Variants in ATP8B3 observed in about 807,000 individuals in gnomAD.
ATP8B3 encodes the protein phospholipid-transporting ATPase IK.
In ATP8B3, 141 loss-of-function variants were observed where a neutral mutation model predicts 140.9. The ratio of observed to expected loss-of-function variants is 1.00; its 90% CI spans 0.87 to 1.15. ATP8B3 has a LOEUF of 1.15. Ranked by LOEUF, ATP8B3 falls within the 50% of genes most tolerant of loss-of-function variation. The pLI, the probability that ATP8B3 is intolerant of heterozygous loss-of-function variation, is 0.00. For synonymous variants in ATP8B3, 765 were observed against 714.6 expected, an observed-to-expected ratio of 1.07 and a Z score of -1.13; for missense variants, 1,874 against 1,740.6, an observed-to-expected ratio of 1.08 and a Z score of -1.36.
In ATP8B3 at chr19:1,806,216, C is replaced by T. The variant is rs764816111; in HGVS notation, c.678-47G>A. On this transcript the variant is annotated intron_variant, in intron 7 of 28. Transcript: ENST00000310127. The surrounding 1 kb of genome is among the most constrained non-coding windows in gnomAD (Gnocchi z 5.6). ...AAGGAGGCCCCTCCCTCTGCCAACCCTCCCCACACCGGGAGACCAGAGGCA... is the reference window on the plus strand; with the variant it reads ...AAGGAGGCCCCTCCCTCTGCCAACCTTCCCCACACCGGGAGACCAGAGGCA... 1.4e-5 allele frequency: 21 copies of T among 1,551,478 alleles called. No individual in the cohort carries two copies. The highest frequency in any genetic ancestry group is 3.9e-5 in the Admixed American group (2 of 51,322).
At position 1,783,199 on chromosome 19, in the gene ATP8B3, C is replaced by T. The variant is rs1273133797; in HGVS notation, c.3732G>A (p.Glu1244=). The part of the protein sequence containing the change: ...TMEPLPHVHR[E]SRARRSSYAF... ...CATAGCTGGAACGGCGGGCACGAGA[C>T]TCCCGGTGTACATGAGGCAAGGGCT... Residue 1244 remains glutamate, a synonymous_variant, in exon 29 of 29, where the codon GAG becomes GAA. Transcript: ENST00000310127. 1 of 1,612,890 alleles carries T rather than the reference C, an allele frequency of 6.2e-7. No homozygotes were observed. The highest frequency in any genetic ancestry group is 2.2e-5 in the East Asian group (1 of 44,848).
In ATP8B3 at chr19:1,800,656, C is replaced by T. The variant is rs576156659; in HGVS notation, c.1153-207G>A. On this transcript the variant is annotated intron_variant, in intron 12 of 28. Transcript: ENST00000310127. This position sits in a 1 kb window ranked among gnomAD's most constrained non-coding sequence, Gnocchi z 4.4. ...GCGACAAAGTGAGACCTCATCTCGACGAAAAACTTAAAAAATAAATTAGTC... is the reference window on the plus strand; with the variant it reads ...GCGACAAAGTGAGACCTCATCTCGATGAAAAACTTAAAAAATAAATTAGTC... Among the ~76,000 whole-genome samples the T allele has an allele frequency of 1.1e-4, 17 of 151,952 alleles. No homozygotes were observed. Among genetic ancestry groups the T allele is most frequent in the African/African-American group, 3.9e-4 (16 of 41,384 alleles).
chr19:1,785,588 C>T lies in ATP8B3; in HGVS notation c.3274G>A (p.Val1092Ile), dbSNP rs199711395. 1.2e-3 allele frequency: 1,958 copies of T among 1,613,222 alleles called. No individual in the cohort carries two copies. Among genetic ancestry groups the T allele is most frequent in the Non-Finnish European group, 1.4e-3 (1,676 of 1,179,892 alleles). The change falls in exon 26 of 29, where the codon GTC becomes ATC. Residue 1092 changes from valine to isoleucine, a missense_variant. By Grantham distance (29) the Val-to-Ile change is conservative (BLOSUM62 3). This residue lies in a region of ATP8B3 where 840 missense variants were observed against 760.9 expected (regional missense o/e 1.10). Transcript: ENST00000310127. ...AIAHGVTTSL[V>I]NFFMTLWISR... Reference sequence around the variant, plus strand: ...ATCCACAGTGTCATGAAGAAGTTGACCAGAGAGGTGGTCACACCATGGGCG... The same window carrying T: ...ATCCACAGTGTCATGAAGAAGTTGATCAGAGAGGTGGTCACACCATGGGCG...
chr19:1,795,993 GGGGAACA>G lies in ATP8B3; in HGVS notation c.1943-13_1943-7del. The G allele has an allele frequency of 6.2e-7, 1 of 1,613,108 alleles. No individual in the cohort carries two copies. ...GGCGCCCTCTGGCTTTCGAACTGTG[GGGGAACA>G]GGCCCTGCTGCCCACAGAGGCTCCC... On this transcript the variant is annotated splice_region_variant and splice_polypyrimidine_tract_variant and intron_variant, in intron 17 of 28. Coordinates refer to ENST00000310127, the MANE Select transcript of ATP8B3 (RefSeq NM_138813.4).
In ATP8B3 at chr19:1,805,603, G is replaced by A; in HGVS notation, c.822-147C>T. The A allele has an allele frequency of 2.4e-6, 2 of 822,394 alleles. No homozygotes were observed. The highest frequency in any genetic ancestry group is 3.2e-5 in the South Asian group (2 of 62,208). 50.9% of individuals were successfully genotyped at this position (822,394 alleles called of 1,614,324 possible). A position where few individuals can be genotyped will look rare whatever the true frequency, so the allele number is the denominator to read the frequency against. ...GTCAGATGGCTGAGGCCCAGAGAGG[G>A]AGAAGGCCTTGCCCAAGGCCACACA... On this transcript the variant is annotated intron_variant, in intron 9 of 28. Transcript: ENST00000310127. The surrounding 1 kb of genome is among the most constrained non-coding windows in gnomAD (Gnocchi z 5.2).
At chr19:1,787,336 C>T (rs2068337654) in intron 24 of ATP8B3, 150 bp from the exon 25 acceptor site, 7 of 605,610 alleles carry the variant, frequency 1.2e-5, no homozygotes, top group South Asian at 3.9e-5. Flanking sequence ...GGGTGAAGTG[C>T]GGCCTGATAA....
In ATP8B3 at chr19:1,802,499, C is replaced by T; in HGVS notation, c.1051G>A (p.Val351Ile). The change falls in exon 11 of 29, where the codon GTC (valine) becomes ATC (isoleucine). Residue 351 changes from valine (V) to isoleucine (I), a missense_variant. Around this residue, in one of 3 missense-constraint regions of ATP8B3, gnomAD observed 1,032 missense variants for 963.6 expected, o/e 1.07. Coordinates refer to ENST00000310127, the MANE Select transcript of ATP8B3 (RefSeq NM_138813.4). ...IRNTDTCYGLVIYAGFDTKIM... is the reference protein window; with the variant it reads ...IRNTDTCYGLIIYAGFDTKIM... ...GGAGCAGCCGTACCAGCATAAATGA[C>T]CAGTCCATAGCAGGTGTCTGTGTTG... The T allele has an allele frequency of 7.2e-7, 1 of 1,381,092 alleles. No individual in the cohort carries two copies. Among genetic ancestry groups the T allele is most frequent in the East Asian group, 3.9e-5 (1 of 25,788 alleles). 85.6% of individuals were successfully genotyped at this position (1,381,092 alleles called of 1,614,324 possible).
At position 1,787,085 on chromosome 19, in the gene ATP8B3, C is replaced by T. The variant is rs368208630; in HGVS notation, c.3153+18G>A. 4.5e-5 allele frequency: 71 copies of T among 1,572,726 alleles called. 2 individuals are homozygous for T. The South Asian group carries it at 4.7e-4, about 11-fold the overall frequency. On this transcript the variant is annotated intron_variant, in intron 25 of 28. Transcript: ENST00000310127. ...TAAGCAGAGACCTGGAAGGAAGACC[C>T]GGCCTTGCCCTGCTCACCTGCTCAA...
chr19:1,787,029 G>C lies in ATP8B3; in HGVS notation c.3153+74C>G, dbSNP rs75619190. The C allele has an allele frequency of 9.4e-6, 13 of 1,385,948 alleles. No individual in the cohort carries two copies. The Admixed American group carries it at 2.5e-4, about 26-fold the overall frequency. 85.9% of individuals were successfully genotyped at this position (1,385,948 alleles called of 1,614,324 possible). A position where few individuals can be genotyped will look rare whatever the true frequency, so the allele number is the denominator to read the frequency against. On this transcript the variant is annotated intron_variant, in intron 25 of 28. Transcript: ENST00000310127. Reference sequence around the variant, plus strand: ...AAGGTCTCCCAGGCTCCCTCTCCCCGCCCCAAGGAGCGGAGGAGAGGAGGA... The same window carrying C: ...AAGGTCTCCCAGGCTCCCTCTCCCCCCCCCAAGGAGCGGAGGAGAGGAGGA...
At chr19:1,799,854 G>A (rs2068787074) in intron 14 of ATP8B3, 93 bp downstream of exon 14, 4 of 1,272,316 alleles carry the variant, frequency 3.1e-6, no homozygotes, top group African/African-American at 1.5e-5. Context: ...CGGAGGTGCT[G>A]GGCATGGGGC....
chr19:1,785,722 G>A lies in ATP8B3; in HGVS notation c.3154-14C>T, dbSNP rs1848624048. ...TGCGCTCACGTCCTTGGGGCAAGCA[G>A]AAGCTCTTGGGATTGGGTGGGGGGC... On this transcript the variant is annotated splice_polypyrimidine_tract_variant and intron_variant, in intron 25 of 28. Transcript: ENST00000310127. 20 of 1,350,240 alleles carry A rather than the reference G, an allele frequency of 1.5e-5. No homozygotes were observed. Among genetic ancestry groups the A allele is most frequent in the Non-Finnish European group, 1.9e-5 (19 of 1,005,114 alleles). 83.6% of individuals were successfully genotyped at this position (1,350,240 alleles called of 1,614,324 possible).
At position 1,810,662 on chromosome 19, in the gene ATP8B3, G is replaced by A. The variant is rs752737770; in HGVS notation, c.270C>T (p.Leu90=). Residue 90 remains leucine, a synonymous_variant, in exon 3 of 29, where the codon CTC becomes CTT. Coordinates refer to ENST00000310127, the MANE Select transcript of ATP8B3 (RefSeq NM_138813.4). ...RPEGPTSMGS[L]GQREDLQDED... is the part of the protein sequence containing the mutation. The stretch of plus-strand genomic sequence containing the variant: ...CATCTTGGAGATCTTCTCTCTGGCC[G>A]AGGCTGCCCATGCTGGTGGGGCTGT... 33 of 1,612,850 alleles carry A rather than the reference G, an allele frequency of 2.0e-5. No homozygotes were observed. The South Asian group carries it at 3.3e-4, about 16-fold the overall frequency.
At chr19:1,802,950 T>C (rs2068900543) in intron 10 of ATP8B3, among the ~76,000 whole-genome samples, 1 of 152,156 alleles carries the variant, frequency 6.6e-6, no homozygotes, top group South Asian at 2.1e-4. Context: ...TGACGAGACA[T>C]TTATCTGTGC....
rs1388625954 is a variant in ATP8B3, at chr19:1,805,197, A to T, written c.904+177T>A. On this transcript the variant is annotated intron_variant, in intron 10 of 28. Coordinates refer to ENST00000310127, the MANE Select transcript of ATP8B3 (RefSeq NM_138813.4). This position sits in a 1 kb window ranked among gnomAD's most constrained non-coding sequence, Gnocchi z 5.2. The stretch of plus-strand genomic sequence containing the variant: ...GTTATGTTGTCCAGGCTGGTCTTGA[A>T]TTCCTGGGCTGAAGTGATTCTCCTG... 2 of 682,032 alleles carry T rather than the reference A, an allele frequency of 2.9e-6. No individual in the cohort carries two copies. Among genetic ancestry groups the T allele is most frequent in the Non-Finnish European group, 5.3e-6 (2 of 376,212 alleles). The allele number at this position is 682,032 out of a possible 1,614,324, so 42.2% of individuals were successfully genotyped here. A position where few individuals can be genotyped will look rare whatever the true frequency, so the allele number is the denominator to read the frequency against.
At chr19:1,795,486 G>T (rs1401531854) in intron 18 of ATP8B3, among the ~76,000 whole-genome samples, 2 of 152,082 alleles carry the variant, frequency 1.3e-5, no homozygotes, top group African/African-American at 4.8e-5. Flanking sequence ...GGGAGGCGGA[G>T]GTTGCAGCGA....
In ATP8B3 at chr19:1,806,007, TG is replaced by T. The variant is rs375291154; in HGVS notation, c.751-50del. Reference sequence around the variant, plus strand: ...TTGCAAGAGGGGATGCAAGACAAATTGGGGGTGCGGCAGCCCTCCCCACCCT... The same window carrying T: ...TTGCAAGAGGGGATGCAAGACAAATTGGGGTGCGGCAGCCCTCCCCACCCT... On this transcript the variant is annotated intron_variant, in intron 8 of 28. Transcript: ENST00000310127. The surrounding 1 kb of genome is among the most constrained non-coding windows in gnomAD (Gnocchi z 5.6). 1 of 1,606,458 alleles carries T rather than the reference TG, an allele frequency of 6.2e-7. No homozygotes were observed.
In ATP8B3 at chr19:1,792,072, A is replaced by C; in HGVS notation, c.2119T>G (p.Tyr707Asp). 6.4e-7 allele frequency: 1 copy of C among 1,567,448 alleles called. No individual in the cohort carries two copies. Among genetic ancestry groups the C allele is most frequent in the Non-Finnish European group, 8.6e-7 (1 of 1,158,400 alleles). ...TGGTGGCGCTGCTGCCAGTCCTCGT[A>C]AATGTCCTCAGCCACCTCCCTGTAG... ...LAYREVAEDI[Y>D]EDWQQRHQEA... The change falls in exon 19 of 29, where the codon TAC (tyrosine) becomes GAC (aspartate). Residue 707 changes from tyrosine to aspartate, a missense_variant. Physicochemically the swap from Tyr to Asp is radical, Grantham distance 160. Coordinates refer to ENST00000310127, the MANE Select transcript of ATP8B3 (RefSeq NM_138813.4).
intron 10 of ATP8B3, among the ~76,000 whole-genome samples, chr19:1,804,145 CAA>C (rs2068938694): frequency 6.6e-6 from 1 of 152,116 alleles, no homozygotes; most frequent in African/African-American, 2.4e-5. Context: ...TGGGCTGCAG[CAA>C]AGAGTAACTG....
At chr19:1,808,936 G>T (rs979111974) in intron 4 of ATP8B3, among the ~76,000 whole-genome samples, 2 of 152,186 alleles carry the variant, frequency 1.3e-5, no homozygotes, top group Middle Eastern at 3.2e-3. Flanking sequence ...ATTTCGGGAG[G>T]TCAAGGTGGG....
Sources: allele counts gnomAD v4.1 joint callset (sites outside exome capture counted in the v4.1 genomes callset), GRCh38; gene constraint gnomAD v4.1.1; regional missense constraint gnomAD v4.1.1; non-coding constraint Gnocchi (gnomAD v3.1); transcripts MANE v1.5; gene names NCBI Gene and HGNC (gene_info 2026-07-23, HGNC 2026-07-21).